The following MCTP1 variants were observed in gnomAD, a reference collection of about 807,000 sequenced individuals.
MCTP1 encodes the protein multiple C2 and transmembrane domain containing 1, also known as multiple C2 and transmembrane domain-containing protein 1.
Under a neutral mutation model 120.6 loss-of-function variants are expected in MCTP1, and 69 were observed. The observed-to-expected ratio is 0.57, with a 90% confidence interval of 0.47 to 0.70. MCTP1 has a LOEUF of 0.70. MCTP1 is among the 30% of genes least tolerant of loss of function. The pLI is 0.00. For missense variants in MCTP1, 1,203 were observed against 1,248.8 expected (o/e 0.96, Z 0.55); for synonymous variants, 529 against 493.1 (o/e 1.07, Z -0.96).
chr5:94,947,577 T>TATATATAGAGAGAGAGAG lies in MCTP1; in HGVS notation c.982-5151_982-5150insCTCTCTCTCTCTATATAT. 1.8e-3 allele frequency among the ~76,000 whole-genome samples: 85 copies of TATATATAGAGAGAGAGAG among 47,384 alleles called. 1 individual carries two copies. Among genetic ancestry groups the TATATATAGAGAGAGAGAG allele is most frequent in the Non-Finnish European group, 3.0e-3 (75 of 25,002 alleles). 31.1% of individuals were successfully genotyped at this position (47,384 alleles called of 152,430 possible). On this transcript the variant is annotated intron_variant, in intron 3 of 22. Transcript: ENST00000515393. ...CTAAATATATATATATATATATATA[T>TATATATAGAGAGAGAGAG]AGAGAGAGAGAGAGAGAGAGAGAGA...
At chr5:94,709,858 T>A (rs1350988693) in intron 21 of MCTP1, 1 of 152,010 alleles carries the variant, frequency 6.6e-6, no homozygotes, top group African/African-American at 2.4e-5. Flanking sequence ...CCAAAAAGAA[T>A]AGGGACAAAG....
chr5:95,110,702 T>C (rs895780934), intron 1 of MCTP1, among the ~76,000 whole-genome samples: 5 of 152,156 alleles, frequency 3.3e-5, no homozygotes, highest in African/African-American at 1.2e-4. Context: ...CCAATTTTAC[T>C]ATTACATTTT....
At chr5:95,240,796 C>T (rs1756074552) in intron 1 of MCTP1, among the ~76,000 whole-genome samples, 1 of 152,020 alleles carries the variant, frequency 6.6e-6, no homozygotes, top group Non-Finnish European at 1.5e-5. Flanking sequence ...ATTCCTCTAC[C>T]TTTAGAATCT....
chr5:94,755,769 C>T (rs1769665371), intron 19 of MCTP1, among the ~76,000 whole-genome samples: 2 of 152,120 alleles, frequency 1.3e-5, no homozygotes, highest in African/African-American at 2.4e-5. Context: ...GGCCCTCTTC[C>T]TCTCATACTC....
chr5:95,119,879 G>T (rs578018438), intron 1 of MCTP1, among the ~76,000 whole-genome samples: 2 of 151,970 alleles, frequency 1.3e-5, no homozygotes, highest in Non-Finnish European at 2.9e-5. Context: ...ATAATAGAAA[G>T]AGTCTCCCAG....
chr5:95,267,993 T>C (rs1759044233), intron 1 of MCTP1, among the ~76,000 whole-genome samples: 1 of 152,246 alleles, frequency 6.6e-6, no homozygotes, highest in African/African-American at 2.4e-5. Flanking sequence ...TCCTATTAGT[T>C]ATTTTCATTC....
intron 18 of MCTP1, among the ~76,000 whole-genome samples, chr5:94,795,563 C>T (rs1779828373): frequency 6.6e-6 from 1 of 152,190 alleles, no homozygotes; most frequent in African/African-American, 2.4e-5. Flanking sequence ...ACAGCTCAAA[C>T]CAACAGAAGG....
chr5:94,971,895 C>G (rs77323434), intron 2 of MCTP1, among the ~76,000 whole-genome samples: 3,783 of 152,198 alleles, frequency 0.025, 153 homozygotes, highest in African/African-American at 0.084. Context: ...CCTGTGGATT[C>G]TAATTATTAA....
chr5:94,928,323 C>T (rs558189550), intron 6 of MCTP1, among the ~76,000 whole-genome samples: 22 of 151,798 alleles, frequency 1.4e-4, no homozygotes, highest in Admixed American at 2.6e-4. Context: ...TGGCTTGGCC[C>T]CACAAAATGT....
chr5:94,758,848 CTT>C (rs1211838850), intron 19 of MCTP1, among the ~76,000 whole-genome samples: 1 of 151,994 alleles, frequency 6.6e-6, no homozygotes, highest in Non-Finnish European at 1.5e-5. Flanking sequence ...ACAAACATGA[CTT>C]GTAGAATAGG....
intron 1 of MCTP1, among the ~76,000 whole-genome samples, chr5:95,019,402 T>C (rs1837760401): frequency 6.6e-6 from 1 of 152,070 alleles, no homozygotes; most frequent in Non-Finnish European, 1.5e-5. Context: ...CTGTACTCTT[T>C]GGCCAACATC....
intron 1 of MCTP1, among the ~76,000 whole-genome samples, chr5:95,088,511 C>T (rs1343866635): frequency 6.6e-6 from 1 of 152,224 alleles, no homozygotes; most frequent in African/African-American, 2.4e-5. Context: ...CTCTGTGAAG[C>T]AGGTACTACT....
rs145440364 is a variant in MCTP1 at position 95,160,838 on chromosome 5, G to A, written c.720+123018C>T. ...AAAAGAAGACATACAATAGCCAACAGTTATATGAAAAAAATGCCTATCACT... is the reference window on the plus strand; with the variant it reads ...AAAAGAAGACATACAATAGCCAACAATTATATGAAAAAAATGCCTATCACT... On this transcript the variant is annotated intron_variant, in intron 1 of 22. Transcript: ENST00000515393. Among the ~76,000 whole-genome samples the A allele has an allele frequency of 3.1e-4, 47 of 152,066 alleles. 2 individuals carry two copies. The highest frequency in any genetic ancestry group is 6.8e-3 in the Middle Eastern group (2 of 294).
At chr5:94,818,829 A>C (rs1482247370) in intron 17 of MCTP1, among the ~76,000 whole-genome samples, 1 of 152,176 alleles carries the variant, frequency 6.6e-6, no homozygotes, top group Non-Finnish European at 1.5e-5. Flanking sequence ...ACTGGATAAA[A>C]TTTAATTTGA....
In MCTP1 at chr5:94,949,763, C is replaced by T. The variant is rs370114509; in HGVS notation, c.981+3456G>A. Among the ~76,000 whole-genome samples the T allele has an allele frequency of 3.9e-5, 6 of 152,076 alleles. No individual in the cohort carries two copies. The East Asian group carries it at 5.8e-4, about 15-fold the overall frequency. On this transcript the variant is annotated intron_variant, in intron 3 of 22. Transcript: ENST00000515393. Reference sequence around the variant, plus strand: ...TAATGTGTTCTAACTATGTAGTTCACAGATGCATTTTCATACTCTCAGTCA... The same window carrying T: ...TAATGTGTTCTAACTATGTAGTTCATAGATGCATTTTCATACTCTCAGTCA...
intron 5 of MCTP1, among the ~76,000 whole-genome samples, chr5:94,939,008 A>G (rs1382459380): frequency 6.6e-6 from 1 of 152,134 alleles, no homozygotes; most frequent in Non-Finnish European, 1.5e-5. Flanking sequence ...CTTATTTAAA[A>G]AGAAAAATTT....
chr5:95,221,700 G>C (rs979577525), intron 1 of MCTP1, among the ~76,000 whole-genome samples: 1 of 152,178 alleles, frequency 6.6e-6, no homozygotes, highest in Admixed American at 6.5e-5. Context: ...CACTATACCT[G>C]TTGGTTGTTT....
chr5:95,119,689 T>C (rs1239544859), intron 1 of MCTP1, among the ~76,000 whole-genome samples: 1 of 152,078 alleles, frequency 6.6e-6, no homozygotes, highest in Non-Finnish European at 1.5e-5. Context: ...AAGGGAAACA[T>C]TGTAACTAAT....
chr5:94,923,163 T>C (rs1271021291), intron 7 of MCTP1, among the ~76,000 whole-genome samples: 1 of 152,130 alleles, frequency 6.6e-6, no homozygotes, highest in Non-Finnish European at 1.5e-5. Context: ...AAAAAGGTAG[T>C]TTTCAATAAT....
Sources: gnomAD v4.1 joint callset for allele counts (sites outside exome capture counted in the v4.1 genomes callset) on GRCh38, gnomAD v4.1.1 for gene constraint, MANE v1.5 for transcripts, NCBI Gene and HGNC (gene_info 2026-07-23, HGNC 2026-07-21) for gene names.